CDH13: variants seen among roughly 807,000 people sequenced by gnomAD.
CDH13 encodes the protein cadherin-13.
CDH13 carries 24 observed loss-of-function variants against 63.8 expected under a neutral mutation model. The ratio of observed to expected loss-of-function variants is 0.38; its 90% CI spans 0.27 to 0.53. CDH13 has a LOEUF of 0.53. CDH13 is among the 20% of genes least tolerant of loss of function. CDH13 has a pLI of 0.85. For missense variants in CDH13, 1,049 were observed against 903.1 expected, an observed-to-expected ratio of 1.16 and a Z score of -2.07; for synonymous variants, 503 against 355.3, an observed-to-expected ratio of 1.42 and a Z score of -4.67.
At chr16:83,676,181 A>G (rs1914939017) in intron 9 of CDH13, among the ~76,000 whole-genome samples, 1 of 152,204 alleles carries the variant, frequency 6.6e-6, no homozygotes, top group Admixed American at 6.5e-5. Context: ...ATTTCCAAGC[A>G]TTTTGACTGT....
At chr16:83,309,911 T>C (rs2089963709) in intron 5 of CDH13, among the ~76,000 whole-genome samples, 1 of 152,068 alleles carries the variant, frequency 6.6e-6, no homozygotes, top group Admixed American at 6.6e-5. Flanking sequence ...GGCAGAATAA[T>C]CCTGGGTGAA....
chr16:83,529,472 A>G (rs1412202033), intron 7 of CDH13, among the ~76,000 whole-genome samples: 1 of 152,196 alleles, frequency 6.6e-6, no homozygotes, highest in Non-Finnish European at 1.5e-5. Flanking sequence ...CATCCATTCT[A>G]GGAAATACTA....
intron 11 of CDH13, among the ~76,000 whole-genome samples, chr16:83,779,730 C>T (rs1328707197): frequency 1.3e-5 from 2 of 151,904 alleles, no homozygotes; most frequent in African/African-American, 2.4e-5. Context: ...TGGTGGCGTG[C>T]ACCTGTGGTC....
At chr16:82,662,787 C>T (rs373681783) in intron 1 of CDH13, among the ~76,000 whole-genome samples, 1 of 152,182 alleles carries the variant, frequency 6.6e-6, no homozygotes. Context: ...GTATGTGTCC[C>T]TCTGGGAGGG....
chr16:83,610,320 G>A (rs1054326932), intron 8 of CDH13, among the ~76,000 whole-genome samples: 9 of 151,690 alleles, frequency 5.9e-5, no homozygotes, highest in Non-Finnish European at 1.0e-4. Context: ...TTCAAAATGC[G>A]TTTCTAAATT....
At chr16:83,231,858 T>C (rs1373225954) in intron 5 of CDH13, among the ~76,000 whole-genome samples, 1 of 152,274 alleles carries the variant, frequency 6.6e-6, no homozygotes, top group South Asian at 2.1e-4. Flanking sequence ...GATTGAATCA[T>C]GGGGGTGGAC....
At chr16:83,118,611 C>T (rs1000316418) in intron 3 of CDH13, among the ~76,000 whole-genome samples, 2 of 152,198 alleles carry the variant, frequency 1.3e-5, no homozygotes, top group African/African-American at 4.8e-5. Context: ...CTTCCTCCGT[C>T]CTGGTGTTAA....
intron 1 of CDH13, among the ~76,000 whole-genome samples, chr16:82,737,490 G>C (rs1185534538): frequency 6.6e-6 from 1 of 152,244 alleles, no homozygotes; most frequent in Non-Finnish European, 1.5e-5. Context: ...GTGTGGAAGA[G>C]AGGGGTGGTC....
At chr16:83,555,046 A>G (rs1287601712) in intron 7 of CDH13, among the ~76,000 whole-genome samples, 2 of 151,628 alleles carry the variant, frequency 1.3e-5, no homozygotes, top group Non-Finnish European at 2.9e-5. Context: ...GGAGCCATTG[A>G]GTGAAAAAGC....
intron 10 of CDH13, among the ~76,000 whole-genome samples, chr16:83,696,103 T>G (rs984211216): frequency 2.0e-5 from 3 of 152,040 alleles, no homozygotes; most frequent in African/African-American, 7.2e-5. Context: ...GTTGCCCAGG[T>G]GGTTCTCAAA....
chr16:83,224,778 G>T (rs867136202), intron 5 of CDH13, among the ~76,000 whole-genome samples: 6 of 152,196 alleles, frequency 3.9e-5, no homozygotes, highest in Non-Finnish European at 4.4e-5. Context: ...ATGAGAGTGA[G>T]ATTACAGTAT....
chr16:83,491,102 T>G (rs1478987552), intron 7 of CDH13, among the ~76,000 whole-genome samples: 1 of 152,196 alleles, frequency 6.6e-6, no homozygotes, highest in Non-Finnish European at 1.5e-5. Context: ...GGAAGTTACT[T>G]TATTATAGGT....
intron 2 of CDH13, among the ~76,000 whole-genome samples, chr16:82,990,547 G>T (rs1255964393): frequency 2.1e-5 from 3 of 139,884 alleles, no homozygotes; most frequent in East Asian, 2.1e-4. Flanking sequence ...TTTGGTTTGG[G>T]TTTTTTTTTT....
chr16:82,907,658 A>G (rs968058167), intron 2 of CDH13, among the ~76,000 whole-genome samples: 3 of 152,184 alleles, frequency 2.0e-5, no homozygotes, highest in Admixed American at 6.5e-5. Flanking sequence ...GTTGCCTCAC[A>G]TTGATTTTCT....
chr16:83,040,002 A>G (rs745458124), intron 3 of CDH13, among the ~76,000 whole-genome samples: 10 of 151,422 alleles, frequency 6.6e-5, no homozygotes, highest in Non-Finnish European at 1.3e-4. Context: ...CTCTCTACTC[A>G]TAGTACTAAA....
intron 6 of CDH13, among the ~76,000 whole-genome samples, chr16:83,385,209 A>G (rs1018756697): frequency 4.6e-5 from 7 of 152,252 alleles, no homozygotes; most frequent in African/African-American, 1.4e-4. Flanking sequence ...GTAGTAGTCA[A>G]TGAGAGAGAA....
At chr16:82,641,735 A>G (rs1909424193) in intron 1 of CDH13, among the ~76,000 whole-genome samples, 1 of 152,204 alleles carries the variant, frequency 6.6e-6, no homozygotes, top group African/African-American at 2.4e-5. Flanking sequence ...AACAAATATT[A>G]CTCAGCACTG....
At chr16:82,806,399 A>C (rs1438888627) in intron 1 of CDH13, among the ~76,000 whole-genome samples, 1 of 152,192 alleles carries the variant, frequency 6.6e-6, no homozygotes, top group Non-Finnish European at 1.5e-5. Flanking sequence ...AGACACCTTT[A>C]AGATTTAGAA....
intron 2 of CDH13, among the ~76,000 whole-genome samples, chr16:82,999,862 T>C (rs1214679204): frequency 6.6e-6 from 1 of 151,728 alleles, no homozygotes; most frequent in Non-Finnish European, 1.5e-5. Flanking sequence ...GATAAAAGAG[T>C]GTGCACCAGT....
Sources: allele counts gnomAD v4.1 joint callset (sites outside exome capture counted in the v4.1 genomes callset), GRCh38; gene constraint gnomAD v4.1.1; transcripts MANE v1.5; gene names NCBI Gene and HGNC (gene_info 2026-07-23, HGNC 2026-07-21).